The following ROPN1L variants were observed in gnomAD, a reference collection of about 807,000 sequenced individuals.
The protein encoded by ROPN1L is ropporin-1-like protein.
A neutral mutation model predicts 22.7 loss-of-function variants in ROPN1L; 23 were observed. That is an observed-to-expected ratio of 1.01 (90% confidence interval 0.73 to 1.43). The LOEUF (loss-of-function observed/expected upper bound fraction) is 1.43. Among genes scored for constraint, ROPN1L ranks in the 40% most tolerant of loss-of-function variants. The pLI is 0.00. For missense variants in ROPN1L, 271 were observed against 291.5 expected (o/e 0.93, Z 0.51); for synonymous variants, 116 against 117.8 (o/e 0.98, Z 0.10).
intron 2 of ROPN1L, 137 bp downstream of exon 2, chr5:10,448,520 C>A: frequency 1.0e-6 from 1 of 964,492 alleles, no homozygotes; most frequent in Non-Finnish European, 1.5e-6. Flanking sequence ...TCCTGCTTTC[C>A]CTGCCACGCA....
intron 1 of ROPN1L, among the ~76,000 whole-genome samples, chr5:10,442,527 CTA>C (rs1740920206): frequency 6.6e-6 from 1 of 152,232 alleles, no homozygotes; most frequent in Non-Finnish European, 1.5e-5. Flanking sequence ...GCTCACTTAC[CTA>C]CAACGTAATG....
the ROPN1L span, among the ~76,000 whole-genome samples, chr5:10,480,227 G>A: frequency 3.3e-5 from 5 of 152,354 alleles, no homozygotes; most frequent in South Asian, 4.1e-4. Flanking sequence ...CTGGAGCTAC[G>A]AAATACACAA....
At chr5:10,470,915 C>T (rs1204917749) in intron 4 of ROPN1L, among the ~76,000 whole-genome samples, 1 of 152,200 alleles carries the variant, frequency 6.6e-6, no homozygotes, top group Non-Finnish European at 1.5e-5. Flanking sequence ...TAATTAAGTT[C>T]TCATCCCAGT....
At chr5:10,475,709 G>A (rs989993103), downstream of ROPN1L, among the ~76,000 whole-genome samples, 22 of 152,252 alleles carry the variant, frequency 1.4e-4, no homozygotes, top group African/African-American at 5.3e-4. Flanking sequence ...CTGCAACTAA[G>A]TATGGGATTT....
At chr5:10,450,799 G>C (rs375025482) in intron 3 of ROPN1L, among the ~76,000 whole-genome samples, 1 of 152,104 alleles carries the variant, frequency 6.6e-6, no homozygotes, top group African/African-American at 2.4e-5. Context: ...CCACCGCGCC[G>C]GCCTTAGAAA....
chr5:10,465,253 C>T (rs1262747183), downstream of ROPN1L, among the ~76,000 whole-genome samples: 1 of 152,172 alleles, frequency 6.6e-6, no homozygotes. Context: ...CGTTGGCTCA[C>T]GCCTGTAATC....
At chr5:10,473,915 G>C (rs1735283962), downstream of ROPN1L, among the ~76,000 whole-genome samples, 1 of 152,162 alleles carries the variant, frequency 6.6e-6, no homozygotes, top group Non-Finnish European at 1.5e-5. Context: ...ACTTTAGGAG[G>C]CTGAGGCAGG....
intron 3 of ROPN1L, among the ~76,000 whole-genome samples, chr5:10,452,277 C>A (rs369130702): frequency 2.7e-5 from 4 of 149,804 alleles, no homozygotes; most frequent in South Asian, 2.1e-4. Flanking sequence ...CTGCACCCAG[C>A]CTAAAGTATA....
chr5:10,449,478 C>T (rs1014678817), intron 2 of ROPN1L, among the ~76,000 whole-genome samples: 2 of 152,108 alleles, frequency 1.3e-5, no homozygotes, highest in Admixed American at 6.5e-5. Context: ...GAAATCATGC[C>T]GCTGCACTCC....
In ROPN1L at chr5:10,441,941, G is replaced by A; in HGVS notation, c.-227G>A. 2.0e-6 allele frequency: 1 copy of A among 491,060 alleles called. No individual in the cohort carries two copies. Among genetic ancestry groups the A allele is most frequent in the East Asian group, 3.6e-5 (1 of 27,442 alleles). The allele number at this position is 491,060 out of a possible 1,614,324, so 30.4% of individuals were successfully genotyped here. ...GGCGGCTGGCGCTAGGGAACTGCAG[G>A]GTCTAGGGTGTTGTCGGAGTGGCAG... On this transcript the variant is annotated 5_prime_UTR_variant, in exon 1 of 5. Transcript: ENST00000274134.
At chr5:10,464,627 C>T (rs1414056658) in intron 4 of ROPN1L, among the ~76,000 whole-genome samples, 2 of 152,218 alleles carry the variant, frequency 1.3e-5, no homozygotes, top group African/African-American at 4.8e-5. Context: ...GCATATAGCA[C>T]CCATCTTTTC....
intron 1 of ROPN1L, among the ~76,000 whole-genome samples, chr5:10,445,353 C>T (rs1052990328): frequency 5.9e-5 from 9 of 152,208 alleles, no homozygotes; most frequent in Non-Finnish European, 8.8e-5. Context: ...AAATATGTTT[C>T]AGCTGTCACA....
At position 10,461,311 on chromosome 5, in the gene ROPN1L, T is replaced by G; in HGVS notation, c.545T>G (p.Val182Gly). The stretch of plus-strand genomic sequence containing the variant: ...TACTTGGCCAGATTAGACTCAGATG[T>G]GTCTCCCTTGGAGACGGAATCCTAC... The part of the protein sequence containing the change: ...YRYLARLDSD[V>G]SPLETESYLA... Residue 182 changes from valine (V) to glycine (G), a missense_variant, in exon 4 of 5, where the codon GTG becomes GGG. Physicochemically the swap from Val to Gly is moderately radical, Grantham distance 109. Transcript: ENST00000274134. 6.2e-7 allele frequency: 1 copy of G among 1,614,134 alleles called. No individual in the cohort carries two copies. Among genetic ancestry groups the G allele is most frequent in the Non-Finnish European group, 8.5e-7 (1 of 1,179,990 alleles).
intron 3 of ROPN1L, among the ~76,000 whole-genome samples, chr5:10,451,800 C>A (rs573682657): frequency 6.6e-6 from 1 of 152,312 alleles, no homozygotes; most frequent in African/African-American, 2.4e-5. Flanking sequence ...TGGTACCCTC[C>A]AGTAGCAAGG....
downstream of ROPN1L, among the ~76,000 whole-genome samples, chr5:10,469,913 G>A (rs3932191): frequency 0.51 from 76,954 of 152,138 alleles, 22,963 homozygotes; most frequent in Non-Finnish European, 0.67. Flanking sequence ...TGTGCTAAGA[G>A]TCACACATTG....
intron 3 of ROPN1L, among the ~76,000 whole-genome samples, chr5:10,454,676 G>A (rs1397550475): frequency 2.6e-5 from 4 of 152,168 alleles, no homozygotes; most frequent in Non-Finnish European, 5.9e-5. Flanking sequence ...ATCATTCTTC[G>A]TTTACAACCA....
At chr5:10,482,361 T>C in the ROPN1L span, 1 of 152,228 alleles carries the variant, frequency 6.6e-6, no homozygotes, top group Non-Finnish European at 1.5e-5. Context: ...TCATAAACAG[T>C]TCCTCTTAGG....
At chr5:10,480,522 G>A in the ROPN1L span, among the ~76,000 whole-genome samples, 4 of 152,060 alleles carry the variant, frequency 2.6e-5, no homozygotes, top group African/African-American at 9.7e-5. Flanking sequence ...GTGTGCTTGG[G>A]GTGGGTCGGT....
chr5:10,451,573 G>A (rs1245811547), intron 3 of ROPN1L, among the ~76,000 whole-genome samples: 1 of 152,244 alleles, frequency 6.6e-6, no homozygotes, highest in African/African-American at 2.4e-5. Flanking sequence ...CACAGGCCAC[G>A]TTGTTCATTC....
Sources: gnomAD v4.1 joint callset for allele counts (sites outside exome capture counted in the v4.1 genomes callset) on GRCh38, gnomAD v4.1.1 for gene constraint, MANE v1.5 for transcripts, NCBI Gene and HGNC (gene_info 2026-07-23, HGNC 2026-07-21) for gene names.